Variants in TCF3 observed in about 807,000 individuals in gnomAD.
TCF3 encodes transcription factor E2-alpha.
Under a neutral mutation model 72.3 loss-of-function variants are expected in TCF3, and 54 were observed. That is an observed-to-expected ratio of 0.75 (90% CI 0.60 to 0.94). TCF3 has a LOEUF of 0.94. TCF3 is among the 40% of genes least tolerant of loss of function. TCF3 has a pLI of 0.00. For synonymous variants in TCF3, 525 were observed against 412.6 expected (o/e 1.27, Z -3.30); for missense variants, 1,078 against 934.4 (o/e 1.15, Z -2.00).
chr19:1,618,400 T>C (rs1356195687), intron 16 of TCF3, among the ~76,000 whole-genome samples: 1 of 152,046 alleles, frequency 6.6e-6, no homozygotes, highest in Non-Finnish European at 1.5e-5. Context: ...AGCACCTGGG[T>C]CAGGTCCCAT....
chr19:1,621,984 C>G lies in TCF3; in HGVS notation c.823-14G>C. ...CAGCTGGTAGCCCTGGGGGGTCAGG[C>G]AGGAGGAGGGTGGGTTAGATGGGCA... On this transcript the variant is annotated splice_polypyrimidine_tract_variant and intron_variant, in intron 10 of 18. Coordinates refer to ENST00000262965, the MANE Select transcript of TCF3 (RefSeq NM_003200.5). 6.2e-7 allele frequency: 1 copy of G among 1,602,674 alleles called. No homozygotes were observed. Among genetic ancestry groups the G allele is most frequent in the Non-Finnish European group, 8.5e-7 (1 of 1,175,256 alleles).
rs1459516164 is a variant in TCF3 at position 1,621,864 on chromosome 19, G to A, written c.929C>T (p.Pro310Leu). 1.9e-6 allele frequency: 3 copies of A among 1,593,542 alleles called. No individual in the cohort carries two copies. Among genetic ancestry groups the A allele is most frequent in the South Asian group, 1.1e-5 (1 of 87,962 alleles). The change falls in exon 11 of 19, where the codon CCT becomes CTT. Residue 310 changes from proline (P) to leucine (L), a missense_variant. Coordinates refer to ENST00000262965, the MANE Select transcript of TCF3 (RefSeq NM_003200.5). ...TYGGVSSHTPPVSGADSLLGS... is the reference protein window; with the variant it reads ...TYGGVSSHTPLVSGADSLLGS... ...CAGGAGGCTGTCGGCCCCGCTGACAGGCGGCGTGTGGCTGGAGACGCCGCC... is the reference window on the plus strand; with the variant it reads ...CAGGAGGCTGTCGGCCCCGCTGACAAGCGGCGTGTGGCTGGAGACGCCGCC...
intron 3 of TCF3, among the ~76,000 whole-genome samples, chr19:1,645,023 C>T (rs1317458808): frequency 2.0e-5 from 3 of 152,108 alleles, no homozygotes; most frequent in Non-Finnish European, 2.9e-5. Context: ...GAGCATATTC[C>T]GGCCAGCCCT....
intron 3 of TCF3, among the ~76,000 whole-genome samples, chr19:1,633,052 C>T (rs2063905776): frequency 6.6e-6 from 1 of 152,090 alleles, no homozygotes; most frequent in Non-Finnish European, 1.5e-5. Context: ...GGCAGGAGTT[C>T]CCGGCGCAGC....
In TCF3 at chr19:1,613,932, C is replaced by A. The variant is rs537186076; in HGVS notation, c.1822+1353G>T. Among the ~76,000 whole-genome samples the A allele has an allele frequency of 2.6e-4, 39 of 152,386 alleles. 2 individuals are homozygous for A. Among genetic ancestry groups the A allele is most frequent in the South Asian group, 2.5e-3 (12 of 4,832 alleles). On this transcript the variant is annotated intron_variant, in intron 18 of 18. Coordinates refer to ENST00000262965, the MANE Select transcript of TCF3 (RefSeq NM_003200.5). ...TGTGCCAGGCCCAAGGCTGAGCCCC[C>A]TCTCCAGCCGAGCAGCATGCAGCTG...
intron 18 of TCF3, 86 bp from the exon 19 acceptor site, chr19:1,611,935 G>GC (rs889856463): frequency 4.6e-6 from 1 of 219,032 alleles, no homozygotes; most frequent in East Asian, 8.4e-5. Context: ...GATGTCGGGG[G>GC]GGGGGGTGGG....
chr19:1,621,636 C>CAA (rs1000347106), intron 11 of TCF3, among the ~76,000 whole-genome samples: 20 of 152,172 alleles, frequency 1.3e-4, no homozygotes, highest in African/African-American at 4.6e-4. Flanking sequence ...AGCCGCTCCT[C>CAA]AAAGATCTGT....
chr19:1,612,289 G>C (rs2061085359), intron 18 of TCF3: 4 of 1,613,798 alleles, frequency 2.5e-6, no homozygotes, highest in Non-Finnish European at 3.4e-6. Flanking sequence ...TGTCCGACTT[G>C]AGGTGCATCT....
intron 2 of TCF3, among the ~76,000 whole-genome samples, chr19:1,647,629 C>G (rs958490039): frequency 2.0e-5 from 3 of 152,322 alleles, no homozygotes; most frequent in Admixed American, 6.5e-5. Flanking sequence ...CTCCGGTGCA[C>G]CCAGCCTCCC....
intron 5 of TCF3, 77 bp downstream of exon 5, chr19:1,631,961 G>A (rs1473357962): frequency 1.3e-6 from 2 of 1,564,080 alleles, no homozygotes; most frequent in Non-Finnish European, 8.7e-7. Context: ...CTGGCGCTGT[G>A]CGTGCACTGA....
chr19:1,651,327 A>G (rs2067008288), intron 1 of TCF3: 1 of 228,142 alleles, frequency 4.4e-6, no homozygotes, highest in African/African-American at 2.2e-5. Flanking sequence ...GGGAGACCCA[A>G]CTTCAGAAGC....
At chr19:1,618,566 T>C (rs1400989384) in intron 16 of TCF3, among the ~76,000 whole-genome samples, 1 of 142,720 alleles carries the variant, frequency 7.0e-6, no homozygotes, top group African/African-American at 2.6e-5. Flanking sequence ...GTCTCCTGGC[T>C]GTTCCTCCCA....
chr19:1,621,036 G>A lies in TCF3; in HGVS notation c.1025C>T (p.Pro342Leu), dbSNP rs747273925. The A allele has an allele frequency of 1.4e-5, 21 of 1,525,002 alleles. No homozygotes were observed. The highest frequency in any genetic ancestry group is 8.7e-5 in the South Asian group (7 of 80,402). 94.5% of individuals were successfully genotyped at this position (1,525,002 alleles called of 1,614,324 possible). ...CGAGAAGTTATTGCTTGAGTGATCC[G>A]GGGAGTAGATCTGCGAGGAGGACCA... ...LGKALASIYSPDHSSNNFSSS... is the reference protein window; with the variant it reads ...LGKALASIYSLDHSSNNFSSS... The change falls in exon 13 of 19, where the codon CCG becomes CTG. Residue 342 changes from proline (P) to leucine (L), a missense_variant. Physicochemically the swap from Pro to Leu is moderately conservative, Grantham distance 98. Coordinates refer to ENST00000262965, the MANE Select transcript of TCF3 (RefSeq NM_003200.5).
Position 1,615,725 on chromosome 19 carries a change from T to C in TCF3, c.1547A>G (p.Glu516Gly). 1 of 1,613,198 alleles carries C rather than the reference T, an allele frequency of 6.2e-7. No homozygotes were observed. The highest frequency in any genetic ancestry group is 1.7e-5 in the Admixed American group (1 of 59,966). ...ENTSAADHSE[E>G]EKKELKAPRA... The stretch of plus-strand genomic sequence containing the variant: ...GGGGGCCTTCAGCTCCTTCTTCTCC[T>C]CCTCCGAGTGGTCAGCCGCTGACGT... Residue 516 changes from glutamate to glycine, a missense_variant, in exon 17 of 19, where the codon GAG becomes GGG. By Grantham distance (98) the Glu-to-Gly change is moderately conservative. Coordinates refer to ENST00000262965, the MANE Select transcript of TCF3 (RefSeq NM_003200.5). The surrounding 1 kb of genome is among the most constrained non-coding windows in gnomAD (Gnocchi z 7.3).
intron 7 of TCF3, 121 bp from the exon 8 acceptor site, chr19:1,624,121 G>A: frequency 1.0e-6 from 1 of 962,136 alleles, no homozygotes; most frequent in Non-Finnish European, 1.6e-6. Flanking sequence ...GGGTCGGCTG[G>A]GTGCGGTGCC....
chr19:1,621,447 G>T (rs1345263850), intron 11 of TCF3, among the ~76,000 whole-genome samples: 2 of 151,788 alleles, frequency 1.3e-5, no homozygotes, highest in East Asian at 3.9e-4. Flanking sequence ...CTCTGGGCCT[G>T]GATGGGTGAG....
chr19:1,615,892 G>C lies in TCF3; in HGVS notation c.1451-71C>G. Reference sequence around the variant, plus strand: ...AACTGACATATCTCTTTGTGCTCCTGTGGTGAGGGACTTGGGCTTTCCTGG... The same window carrying C: ...AACTGACATATCTCTTTGTGCTCCTCTGGTGAGGGACTTGGGCTTTCCTGG... On this transcript the variant is annotated intron_variant, in intron 16 of 18. Transcript: ENST00000262965. This position sits in a 1 kb window ranked among gnomAD's most constrained non-coding sequence, Gnocchi z 7.3. 5 of 1,475,050 alleles carry C rather than the reference G, an allele frequency of 3.4e-6. No individual in the cohort carries two copies. In the South Asian group the frequency reaches 7.3e-5, roughly 22 times the overall value. 91.4% of individuals were successfully genotyped at this position (1,475,050 alleles called of 1,614,324 possible).
chr19:1,632,391 G>C lies in TCF3; in HGVS notation c.160C>G (p.Pro54Ala). 3 of 1,595,536 alleles carry C rather than the reference G, an allele frequency of 1.9e-6. No individual in the cohort carries two copies. Among genetic ancestry groups the C allele is most frequent in the Admixed American group, 1.7e-5 (1 of 57,666 alleles). The change falls in exon 4 of 19, where the codon CCC (proline) becomes GCC (alanine). Residue 54 changes from proline (P) to alanine (A), a missense_variant. Physicochemically the swap from Pro to Ala is conservative, Grantham distance 27. Coordinates refer to ENST00000262965, the MANE Select transcript of TCF3 (RefSeq NM_003200.5). ...QFGGSGLEDR[P>A]SSGSWGSGDQ... ...CCGCTGCCCCAGGAGCCTGAGCTGG[G>C]CCGGTCCTCAAGACCTGCAGGCAGG...
At chr19:1,620,799 C>T (rs563552769) in intron 13 of TCF3, among the ~76,000 whole-genome samples, 169 bp downstream of exon 13, 3 of 152,286 alleles carry the variant, frequency 2.0e-5, no homozygotes, top group Non-Finnish European at 2.9e-5. Flanking sequence ...AGCGATGCCA[C>T]GGGCCCTTGG....
Sources: allele counts gnomAD v4.1 joint callset (sites outside exome capture counted in the v4.1 genomes callset), GRCh38; gene constraint gnomAD v4.1.1; non-coding constraint Gnocchi (gnomAD v3.1); transcripts MANE v1.5; gene names NCBI Gene and HGNC (gene_info 2026-07-23, HGNC 2026-07-21).